EIPR1: variants seen among roughly 807,000 people sequenced by gnomAD.
EIPR1 encodes EARP complex and GARP complex interacting protein 1.
In EIPR1, 25 loss-of-function variants were observed where a neutral mutation model predicts 48.1. The ratio of observed to expected loss-of-function variants is 0.52; its 90% CI spans 0.38 to 0.73. The LOEUF (loss-of-function observed/expected upper bound fraction) is 0.73. Ranked by LOEUF, EIPR1 falls within the 30% of genes least tolerant of loss-of-function variation. The pLI is 0.00. For missense variants in EIPR1, 415 were observed against 506.2 expected, an observed-to-expected ratio of 0.82 and a Z score of 1.73; for synonymous variants, 204 against 201.9, an observed-to-expected ratio of 1.01 and a Z score of -0.09.
At chr2:3,214,961 C>G (rs542971826) in intron 4 of EIPR1, among the ~76,000 whole-genome samples, 2 of 152,286 alleles carry the variant, frequency 1.3e-5, no homozygotes, top group South Asian at 4.1e-4. Context: ...CTTCCTGTCT[C>G]TCTCCATCAC....
chr2:3,345,454 G>A (rs1175149757), intron 2 of EIPR1, among the ~76,000 whole-genome samples: 6 of 146,174 alleles, frequency 4.1e-5, no homozygotes, highest in Admixed American at 6.8e-5. Context: ...GTGAAACCCC[G>A]TCTCTACTAA....
At chr2:3,190,192 C>T (rs1439143660) in intron 8 of EIPR1, among the ~76,000 whole-genome samples, 1 of 152,228 alleles carries the variant, frequency 6.6e-6, no homozygotes, top group Non-Finnish European at 1.5e-5. Flanking sequence ...AGCACCACTT[C>T]CTCAGCACAG....
At position 3,197,165 on chromosome 2, in the gene EIPR1, T is replaced by C. The variant is rs1664840792; in HGVS notation, c.517-148A>G. On this transcript the variant is annotated intron_variant, in intron 5 of 8. Coordinates refer to ENST00000382125, the MANE Select transcript of EIPR1 (RefSeq NM_003310.5). The stretch of plus-strand genomic sequence containing the variant: ...TTAGGAAGCTCTGTCTTTGTTTCCT[T>C]TCCTTAAATGGCAAAAATGAACCTT... The C allele has an allele frequency of 4.9e-6, 5 of 1,012,484 alleles. No homozygotes were observed. In the South Asian group the frequency reaches 7.4e-5, roughly 15 times the overall value. 62.7% of individuals were successfully genotyped at this position (1,012,484 alleles called of 1,614,324 possible). A position where few individuals can be genotyped will look rare whatever the true frequency, so the allele number is the denominator to read the frequency against.
In EIPR1 at chr2:3,214,250, TA is replaced by T. The variant is rs1174473138; in HGVS notation, c.417-3del. Reference sequence around the variant, plus strand: ...TCTCCCATTGGCTCCCACACGACACTAAGAGAAAGAGAAGTACCAAATGTTA... The same window carrying T: ...TCTCCCATTGGCTCCCACACGACACTAGAGAAAGAGAAGTACCAAATGTTA... On this transcript the variant is annotated splice_region_variant and splice_polypyrimidine_tract_variant and intron_variant, in intron 4 of 8. Coordinates refer to ENST00000382125, the MANE Select transcript of EIPR1 (RefSeq NM_003310.5). 5.0e-6 allele frequency: 8 copies of T among 1,612,658 alleles called. No individual in the cohort carries two copies. Among genetic ancestry groups the T allele is most frequent in the Non-Finnish European group, 5.9e-6 (7 of 1,179,320 alleles).
chr2:3,257,521 A>T, intron 3 of EIPR1, 66 bp from the exon 4 acceptor site: 2 of 1,572,860 alleles, frequency 1.3e-6, no homozygotes, highest in East Asian at 4.5e-5. Context: ...TGCAGACAGC[A>T]CACGCACATT....
intron 5 of EIPR1, among the ~76,000 whole-genome samples, chr2:3,200,486 C>T (rs1422904848): frequency 6.6e-6 from 1 of 152,194 alleles, no homozygotes; most frequent in Non-Finnish European, 1.5e-5. Context: ...CTGCTCCGTG[C>T]AGGAAATGTT....
chr2:3,268,239 G>C lies in EIPR1; in HGVS notation c.260-10784C>G, dbSNP rs116167203. ...GCCTGGGGCCCGCGCCAGCATCCTG[G>C]TTCCCTCTGAAGGCACCTGTGGGGC... On this transcript the variant is annotated intron_variant, in intron 3 of 8. Transcript: ENST00000382125. 7.2e-3 allele frequency among the ~76,000 whole-genome samples: 1,094 copies of C among 152,312 alleles called. 14 individuals carry two copies. The highest frequency in any genetic ancestry group is 0.025 in the African/African-American group (1,057 of 41,574).
Position 3,349,042 on chromosome 2 carries a change from C to T in EIPR1, c.126+5508G>A, listed in dbSNP as rs76093902. On this transcript the variant is annotated intron_variant, in intron 2 of 8. Coordinates refer to ENST00000382125, the MANE Select transcript of EIPR1 (RefSeq NM_003310.5). Reference sequence around the variant, plus strand: ...TTCAGGACATCTCACCCCAGAGACACGGCATGGCAACAGCACGGGTGCACC... The same window carrying T: ...TTCAGGACATCTCACCCCAGAGACATGGCATGGCAACAGCACGGGTGCACC... 4.4e-3 allele frequency among the ~76,000 whole-genome samples: 666 copies of T among 152,336 alleles called. 7 individuals carry two copies. Among genetic ancestry groups the T allele is most frequent in the African/African-American group, 0.013 (540 of 41,572 alleles).
intron 3 of EIPR1, among the ~76,000 whole-genome samples, chr2:3,277,834 A>G (rs1366702342): frequency 1.3e-5 from 2 of 152,138 alleles, no homozygotes; most frequent in East Asian, 3.9e-4. Context: ...TGAGGTGAGC[A>G]TGGAAAGGAG....
intron 3 of EIPR1, among the ~76,000 whole-genome samples, chr2:3,271,201 AC>A (rs1307720182): frequency 6.6e-5 from 10 of 152,224 alleles, no homozygotes; most frequent in Non-Finnish European, 1.2e-4. Context: ...AACTGCAGTT[AC>A]TTTCTCCATG....
At chr2:3,311,615 T>C (rs1009019564) in intron 3 of EIPR1, among the ~76,000 whole-genome samples, 4 of 152,230 alleles carry the variant, frequency 2.6e-5, no homozygotes, top group Non-Finnish European at 5.9e-5. Context: ...TACTAACTCC[T>C]GTCTCACCCA....
At chr2:3,211,983 T>G (rs576108415) in intron 5 of EIPR1, among the ~76,000 whole-genome samples, 1 of 152,190 alleles carries the variant, frequency 6.6e-6, no homozygotes, top group South Asian at 2.1e-4. Context: ...GAATTTCCAA[T>G]TTAATTGCAA....
chr2:3,287,842 ACCAT>A (rs1668249416), intron 3 of EIPR1, among the ~76,000 whole-genome samples: 1 of 152,042 alleles, frequency 6.6e-6, no homozygotes. Flanking sequence ...AAGCTCATTC[ACCAT>A]GCTCCAGAAA....
At chr2:3,198,904 C>G (rs1011079188) in intron 5 of EIPR1, among the ~76,000 whole-genome samples, 1 of 152,120 alleles carries the variant, frequency 6.6e-6, no homozygotes, top group African/African-American at 2.4e-5. Flanking sequence ...AACATCTTAA[C>G]AGGGTTCAAG....
At chr2:3,339,929 G>A (rs527739815) in intron 2 of EIPR1, among the ~76,000 whole-genome samples, 13 of 152,350 alleles carry the variant, frequency 8.5e-5, no homozygotes, top group South Asian at 8.3e-4. Flanking sequence ...CAGCCTGGGC[G>A]ACAGAGCGAG....
intron 3 of EIPR1, among the ~76,000 whole-genome samples, chr2:3,308,563 C>G (rs1298197680): frequency 6.6e-6 from 1 of 152,042 alleles, no homozygotes; most frequent in Non-Finnish European, 1.5e-5. Context: ...GCCTCAGTCT[C>G]CAGAGAGGAG....
intron 3 of EIPR1, among the ~76,000 whole-genome samples, chr2:3,302,831 C>G (rs1319523915): frequency 6.6e-6 from 1 of 152,182 alleles, no homozygotes; most frequent in Non-Finnish European, 1.5e-5. Flanking sequence ...TCGGGGCGCT[C>G]CAGCAGGGCG....
intron 3 of EIPR1, among the ~76,000 whole-genome samples, chr2:3,314,115 G>A (rs1159559449): frequency 2.0e-5 from 3 of 152,198 alleles, no homozygotes; most frequent in Admixed American, 6.5e-5. Context: ...TTGGGGCGCC[G>A]CGCTGGCAGC....
chr2:3,248,467 G>A (rs1021132900), intron 4 of EIPR1, among the ~76,000 whole-genome samples: 24 of 152,138 alleles, frequency 1.6e-4, no homozygotes, highest in African/African-American at 4.8e-4. Context: ...GGTGGTGGGC[G>A]CCTGTAATCC....
Sources: gnomAD v4.1 joint callset for allele counts (sites outside exome capture counted in the v4.1 genomes callset) on GRCh38, gnomAD v4.1.1 for gene constraint, MANE v1.5 for transcripts, NCBI Gene and HGNC (gene_info 2026-07-23, HGNC 2026-07-21) for gene names.